The following IL1RAPL2 variants were observed in gnomAD, a reference collection of about 807,000 sequenced individuals.
IL1RAPL2 encodes the protein interleukin 1 receptor accessory protein like 2.
IL1RAPL2 carries 3 observed loss-of-function variants against 44.1 expected under a neutral mutation model. The ratio of observed to expected loss-of-function variants is 0.07; its 90% CI spans 0.03 to 0.18. The LOEUF (loss-of-function observed/expected upper bound fraction) is 0.18. IL1RAPL2 is among the 10% of genes least tolerant of loss of function. The pLI, the probability that IL1RAPL2 is intolerant of heterozygous loss-of-function variation, is 1.00. For missense variants in IL1RAPL2, 391 were observed against 496.4 expected, an observed-to-expected ratio of 0.79 and a Z score of 2.02; for synonymous variants, 181 against 178.8, an observed-to-expected ratio of 1.01 and a Z score of -0.10.
intron 1 of IL1RAPL2, among the ~76,000 whole-genome samples, chrX:104,630,886 C>A (rs1316608125): frequency 9.3e-6 from 1 of 107,552 alleles, no homozygotes; most frequent in East Asian, 2.9e-4. Flanking sequence ...ATGGGCACAA[C>A]GTGCAGGTTA....
At chrX:105,502,258 T>C (rs1322120627) in intron 6 of IL1RAPL2, among the ~76,000 whole-genome samples, 1 of 112,045 alleles carries the variant, frequency 8.9e-6, no homozygotes, top group African/African-American at 3.2e-5. Context: ...CCTTCAAATA[T>C]TTGAATAAAC....
intron 6 of IL1RAPL2, among the ~76,000 whole-genome samples, chrX:105,643,675 C>T (rs919612314): frequency 8.1e-5 from 9 of 111,304 alleles, no homozygotes; most frequent in Admixed American, 5.7e-4. Flanking sequence ...ACAGTGTCAG[C>T]GGCTGGGCAA....
intron 2 of IL1RAPL2, among the ~76,000 whole-genome samples, chrX:104,813,641 T>C (rs917423242): frequency 1.8e-5 from 2 of 111,565 alleles, no homozygotes; most frequent in Admixed American, 9.6e-5. Context: ...AACAATGTGG[T>C]CACTTTTTCA....
At chrX:105,599,899 A>C (rs1330720361) in intron 6 of IL1RAPL2, among the ~76,000 whole-genome samples, 2 of 111,528 alleles carry the variant, frequency 1.8e-5, no homozygotes, top group Middle Eastern at 4.7e-3. Context: ...AAAGAAACCT[A>C]ATCTATTTAT....
chrX:104,891,555 C>T (rs747058877), intron 2 of IL1RAPL2, among the ~76,000 whole-genome samples: 27 of 111,523 alleles, frequency 2.4e-4, no homozygotes, highest in Non-Finnish European at 4.5e-4. Context: ...CTCTTTGAAG[C>T]AATTGTAAAT....
intron 2 of IL1RAPL2, among the ~76,000 whole-genome samples, chrX:105,043,155 C>T (rs938381104): frequency 1.9e-5 from 2 of 108,073 alleles, no homozygotes; most frequent in Non-Finnish European, 3.8e-5. Context: ...GTTCAGCGCA[C>T]CAACATGTCA....
intron 2 of IL1RAPL2, among the ~76,000 whole-genome samples, chrX:105,058,765 G>T (rs755691212): frequency 8.9e-6 from 1 of 111,960 alleles, no homozygotes; most frequent in East Asian, 2.8e-4. Flanking sequence ...CATGGAGAAG[G>T]TATGCACATG....
At chrX:104,846,608 C>T (rs1201143347) in intron 2 of IL1RAPL2, among the ~76,000 whole-genome samples, 22 of 111,679 alleles carry the variant, frequency 2.0e-4, no homozygotes, top group Admixed American at 5.7e-4. Flanking sequence ...GATGGACATT[C>T]GGGTTGGTTC....
chrX:105,711,220 CA>C (rs770525502), intron 6 of IL1RAPL2, among the ~76,000 whole-genome samples: 2 of 109,383 alleles, frequency 1.8e-5, no homozygotes, highest in Admixed American at 2.0e-4. Context: ...ACAGAGTGGA[CA>C]ATATAGAAAA....
intron 9 of IL1RAPL2, among the ~76,000 whole-genome samples, chrX:105,752,589 T>G (rs1207757557): frequency 8.9e-6 from 1 of 112,264 alleles, no homozygotes; most frequent in Non-Finnish European, 1.9e-5. Flanking sequence ...GGAAGGCTCA[T>G]TAGCCTTGCC....
chrX:105,318,837 ATATTT>A (rs1189966863), intron 5 of IL1RAPL2, among the ~76,000 whole-genome samples: 1 of 112,100 alleles, frequency 8.9e-6, no homozygotes, highest in African/African-American at 3.2e-5. Flanking sequence ...AAGTGCTGTT[ATATTT>A]TATGTTTATG....
At chrX:105,619,626 T>C (rs1374241471) in intron 6 of IL1RAPL2, among the ~76,000 whole-genome samples, 1 of 111,096 alleles carries the variant, frequency 9.0e-6, no homozygotes, top group African/African-American at 3.3e-5. Context: ...AGGCCCAGCA[T>C]AAAAGCAGGG....
rs972005537 is a variant in IL1RAPL2, at chrX:104,730,329, C to T, written c.82+71334C>T. Reference sequence around the variant, plus strand: ...TGCTGGTGTGCTGCACCCATTAACTCGTCATTTAGCATTAGGTGTATCTCC... The same window carrying T: ...TGCTGGTGTGCTGCACCCATTAACTTGTCATTTAGCATTAGGTGTATCTCC... On this transcript the variant is annotated intron_variant, in intron 2 of 10. Coordinates refer to ENST00000372582, the MANE Select transcript of IL1RAPL2 (RefSeq NM_017416.2). 1.1e-4 allele frequency among the ~76,000 whole-genome samples: 11 copies of T among 97,907 alleles called. No individual in the cohort carries two copies. In the Admixed American group the frequency reaches 1.2e-3, roughly 11 times the overall value. 85.0% of individuals were successfully genotyped at this position (97,907 alleles called of 115,157 possible).
chrX:105,519,451 C>T (rs1248639088), intron 6 of IL1RAPL2, among the ~76,000 whole-genome samples: 1 of 111,021 alleles, frequency 9.0e-6, no homozygotes, highest in Non-Finnish European at 1.9e-5. Context: ...TGTTTCAGTG[C>T]AGGGTCTGGA....
chrX:105,766,095 G>GAGTT (rs1241441045), intron 10 of IL1RAPL2, among the ~76,000 whole-genome samples: 2 of 112,328 alleles, frequency 1.8e-5, no homozygotes, highest in African/African-American at 6.5e-5. Flanking sequence ...AATAAATCCG[G>GAGTT]AGTTAGTTGA....
At chrX:104,769,726 T>C (rs1050339351) in intron 2 of IL1RAPL2, among the ~76,000 whole-genome samples, 2 of 112,079 alleles carry the variant, frequency 1.8e-5, no homozygotes, top group African/African-American at 6.5e-5. Context: ...TGTCCAGTTG[T>C]GTATTCACAA....
intron 2 of IL1RAPL2, among the ~76,000 whole-genome samples, chrX:104,727,944 T>G (rs1212495636): frequency 9.1e-6 from 1 of 110,371 alleles, no homozygotes; most frequent in Admixed American, 9.7e-5. Flanking sequence ...TAATAGATAT[T>G]GGAGACTTAG....
chrX:104,611,836 C>CAAA (rs57729757), intron 1 of IL1RAPL2, among the ~76,000 whole-genome samples: 17 of 39,940 alleles, frequency 4.3e-4, no homozygotes, highest in Non-Finnish European at 5.5e-4. Flanking sequence ...GACTCCATCT[C>CAAA]AAAAAAAAAA....
chrX:104,726,026 T>TTTAA (rs901219784), intron 2 of IL1RAPL2, among the ~76,000 whole-genome samples: 2 of 111,879 alleles, frequency 1.8e-5, no homozygotes, highest in African/African-American at 6.5e-5. Flanking sequence ...AGGTCTTAGG[T>TTTAA]TTAAGTCTTT....
Sources: allele counts gnomAD v4.1 joint callset (sites outside exome capture counted in the v4.1 genomes callset), GRCh38; gene constraint gnomAD v4.1.1; transcripts MANE v1.5; gene names NCBI Gene and HGNC (gene_info 2026-07-23, HGNC 2026-07-21).